The following SNCAIP variants were observed in gnomAD, a reference collection of about 807,000 sequenced individuals.
The protein encoded by SNCAIP is synphilin-1.
A neutral mutation model predicts 86.7 loss-of-function variants in SNCAIP; 43 were observed. The ratio of observed to expected loss-of-function variants is 0.50; its 90% CI spans 0.39 to 0.64. SNCAIP has a LOEUF of 0.64. Among genes scored for constraint, SNCAIP ranks in the 30% least tolerant of loss-of-function variants. The pLI is 0.00. For missense variants in SNCAIP, 981 were observed against 1,103.1 expected (o/e 0.89, Z 1.57); for synonymous variants, 417 against 427.2 (o/e 0.98, Z 0.29).
intron 1 of SNCAIP, among the ~76,000 whole-genome samples, chr5:122,359,281 A>G (rs1161547390): frequency 1.3e-5 from 2 of 151,876 alleles, no homozygotes; most frequent in East Asian, 1.9e-4. Flanking sequence ...ATGTCATAGT[A>G]TTTACATTTT....
At position 122,390,818 on chromosome 5, in the gene SNCAIP, T is replaced by A. The variant is rs185523199; in HGVS notation, c.-46-271T>A. Among the ~76,000 whole-genome samples, 789 of 152,248 alleles carry A rather than the reference T, an allele frequency of 5.2e-3. 5 individuals are homozygous for A. The highest frequency in any genetic ancestry group is 8.5e-3 in the Non-Finnish European group (580 of 68,006). ...TTCTAGGGGGAGATTCTGACCCAAG[T>A]TACTGCTCTGGCAAAGACAAACAGG... is the stretch of plus-strand genomic sequence containing the variant. On this transcript the variant is annotated intron_variant, in intron 1 of 10. Coordinates refer to ENST00000261368, the MANE Select transcript of SNCAIP (RefSeq NM_005460.4).
In SNCAIP at chr5:122,444,727, A is replaced by G; in HGVS notation, c.1587A>G (p.Leu529=). The change falls in exon 8 of 11, where the codon CTA becomes CTG. Residue 529 remains leucine, a synonymous_variant. Coordinates refer to ENST00000261368, the MANE Select transcript of SNCAIP (RefSeq NM_005460.4). ...ASQVVKLTKQ[L]KEQTVERVTL... is the part of the protein sequence containing the mutation. ...AAGTGGTGAAGTTAACCAAGCAGCT[A>G]AAGGAGTAAGTGGCCTGTTGGTTCC... 6.2e-7 allele frequency: 1 copy of G among 1,613,672 alleles called. No homozygotes were observed. The highest frequency in any genetic ancestry group is 8.5e-7 in the Non-Finnish European group (1 of 1,179,626).
chr5:122,404,333 C>T (rs1772505532), intron 3 of SNCAIP, among the ~76,000 whole-genome samples: 1 of 152,098 alleles, frequency 6.6e-6, no homozygotes, highest in African/African-American at 2.4e-5. Flanking sequence ...CATACTGTAA[C>T]AGTTAAGATT....
intron 5 of SNCAIP, among the ~76,000 whole-genome samples, chr5:122,428,405 T>A (rs1029433616): frequency 1.3e-5 from 2 of 152,170 alleles, no homozygotes; most frequent in South Asian, 4.1e-4. Context: ...TCCTTCTGCC[T>A]TTCTAACAGC....
intron 3 of SNCAIP, among the ~76,000 whole-genome samples, chr5:122,416,354 G>A (rs926166442): frequency 3.9e-5 from 6 of 152,152 alleles, no homozygotes; most frequent in East Asian, 3.9e-4. Context: ...TGGATAGATC[G>A]TTGGCTGGCA....
intron 10 of SNCAIP, among the ~76,000 whole-genome samples, chr5:122,457,412 C>G (rs1785022691): frequency 6.6e-6 from 1 of 151,940 alleles, no homozygotes; most frequent in Admixed American, 6.6e-5. Context: ...AGACAACAGC[C>G]AGGTGCCTGA....
rs899702956 is a variant in SNCAIP, at chr5:122,313,825, A to G, written c.-47+1541A>G. 3.3e-5 allele frequency among the ~76,000 whole-genome samples: 5 copies of G among 152,204 alleles called. No individual in the cohort carries two copies. In the East Asian group the frequency reaches 5.8e-4, roughly 18 times the overall value. ...ATTAACTGAGGATTACCCATAACTA[A>G]ATATGTATGCATTAACAGGTCTGGA... On this transcript the variant is annotated intron_variant, in intron 1 of 10. Transcript: ENST00000261368.
chr5:122,337,136 T>C (rs1293039755), intron 1 of SNCAIP, among the ~76,000 whole-genome samples: 2 of 152,114 alleles, frequency 1.3e-5, no homozygotes, highest in East Asian at 3.9e-4. Flanking sequence ...GGGATTAACA[T>C]GGGAAAAGGG....
At chr5:122,443,649 A>G (rs1482600735) in intron 7 of SNCAIP, 7 of 456,822 alleles carry the variant, frequency 1.5e-5, no homozygotes, top group East Asian at 1.4e-4. Flanking sequence ...CTATCCCCCT[A>G]TCTCTTCTGG....
At chr5:122,331,083 G>A (rs1341792101) in intron 1 of SNCAIP, among the ~76,000 whole-genome samples, 1 of 152,180 alleles carries the variant, frequency 6.6e-6, no homozygotes, top group Non-Finnish European at 1.5e-5. Flanking sequence ...CGCTTGGGAA[G>A]TAATGCCAGC....
intron 8 of SNCAIP, among the ~76,000 whole-genome samples, chr5:122,447,172 A>C (rs1054214876): frequency 2.6e-5 from 4 of 152,186 alleles, no homozygotes; most frequent in Admixed American, 2.6e-4. Context: ...ACTGCCAGCA[A>C]ACCATCAGAA....
intron 1 of SNCAIP, among the ~76,000 whole-genome samples, chr5:122,351,769 G>C (rs1454387797): frequency 6.6e-6 from 1 of 152,060 alleles, no homozygotes; most frequent in Non-Finnish European, 1.5e-5. Flanking sequence ...ATCGGGGAAG[G>C]CTGGCTGCTT....
At chr5:122,318,554 A>G (rs987039944) in intron 1 of SNCAIP, among the ~76,000 whole-genome samples, 5 of 152,192 alleles carry the variant, frequency 3.3e-5, no homozygotes, top group African/African-American at 1.2e-4. Flanking sequence ...TGAATCATTC[A>G]TCTTTCATTT....
At chr5:122,364,292 G>A (rs998946643) in intron 1 of SNCAIP, among the ~76,000 whole-genome samples, 2 of 152,184 alleles carry the variant, frequency 1.3e-5, no homozygotes, top group Admixed American at 6.5e-5. Flanking sequence ...TTAGGGCTGC[G>A]CTGTCTGTGG....
chr5:122,354,546 G>A (rs1055931938), intron 1 of SNCAIP, among the ~76,000 whole-genome samples: 1 of 152,134 alleles, frequency 6.6e-6, no homozygotes, highest in Non-Finnish European at 1.5e-5. Context: ...TAACTGGCCT[G>A]GGATGTTTAT....
intron 1 of SNCAIP, 45 bp from the exon 2 acceptor site, chr5:122,391,044 C>A (rs376110852): frequency 2.0e-6 from 2 of 1,020,790 alleles, no homozygotes; most frequent in Non-Finnish European, 3.1e-6. Context: ...GGTTGTAAAA[C>A]GGCTAAATTT....
At chr5:122,434,257 G>T (rs530906691) in intron 6 of SNCAIP, among the ~76,000 whole-genome samples, 1 of 152,198 alleles carries the variant, frequency 6.6e-6, no homozygotes, top group Non-Finnish European at 1.5e-5. Context: ...AAGGCTGCCT[G>T]CACTTTTGGT....
intron 1 of SNCAIP, among the ~76,000 whole-genome samples, chr5:122,386,819 T>G (rs1426699611): frequency 7.2e-6 from 1 of 138,380 alleles, no homozygotes; most frequent in African/African-American, 3.0e-5. Context: ...TCTCCCCACT[T>G]CAAAAAAAAA....
intron 1 of SNCAIP, among the ~76,000 whole-genome samples, chr5:122,319,192 T>G (rs1752438647): frequency 6.6e-6 from 1 of 151,642 alleles, no homozygotes; most frequent in African/African-American, 2.4e-5. Context: ...ATCTTGAGAA[T>G]AAAACATTAT....
Sources: gnomAD v4.1 joint callset for allele counts (sites outside exome capture counted in the v4.1 genomes callset) on GRCh38, gnomAD v4.1.1 for gene constraint, MANE v1.5 for transcripts, NCBI Gene and HGNC (gene_info 2026-07-23, HGNC 2026-07-21) for gene names.